ADGRV1: variants seen among roughly 807,000 people sequenced by gnomAD.
ADGRV1 encodes the protein adhesion G protein-coupled receptor V1.
Under a neutral mutation model 596.2 loss-of-function variants are expected in ADGRV1, and 359 were observed. That is an observed-to-expected ratio of 0.60 (90% confidence interval 0.55 to 0.66). The LOEUF (loss-of-function observed/expected upper bound fraction) is 0.66. Among genes scored for constraint, ADGRV1 ranks in the 30% least tolerant of loss-of-function variants. The probability of loss-of-function intolerance (pLI) is 0.00; values close to 1 mark genes in which losing one functional copy is unlikely to be tolerated. For missense variants in ADGRV1, 7,274 were observed against 7,575.6 expected, an observed-to-expected ratio of 0.96 and a Z score of 1.48; for synonymous variants, 2,681 against 2,679.2, an observed-to-expected ratio of 1.00 and a Z score of -0.02.
chr5:90,695,685 A>G (rs1308354396), intron 33 of ADGRV1, among the ~76,000 whole-genome samples: 1 of 151,820 alleles, frequency 6.6e-6, no homozygotes, highest in Non-Finnish European at 1.5e-5. Context: ...CGCTTTTTGA[A>G]ACACATAATA....
chr5:90,715,414 T>G (rs1307406254), intron 42 of ADGRV1, among the ~76,000 whole-genome samples: 4 of 152,206 alleles, frequency 2.6e-5, no homozygotes, highest in Non-Finnish European at 5.9e-5. Context: ...CTCTTGGGTG[T>G]TAAATTTGCA....
At chr5:90,629,105 T>TA in intron 8 of ADGRV1, 105 bp from the exon 9 acceptor site, 1 of 656,740 alleles carries the variant, frequency 1.5e-6, no homozygotes, top group Non-Finnish European at 2.3e-6. Flanking sequence ...TTTTTAGACA[T>TA]AAAATATTAA....
chr5:91,021,826 G>A (rs994313405), intron 85 of ADGRV1, among the ~76,000 whole-genome samples: 7 of 152,028 alleles, frequency 4.6e-5, no homozygotes, highest in African/African-American at 1.7e-4. Flanking sequence ...CTAGATAGGA[G>A]GTATCATAAT....
chr5:91,131,507 G>A (rs1794215615), intron 87 of ADGRV1, among the ~76,000 whole-genome samples: 1 of 150,842 alleles, frequency 6.6e-6, no homozygotes, highest in South Asian at 2.1e-4. Context: ...CTGGAGTACA[G>A]TGGCATGATC....
chr5:90,748,656 C>T (rs1754899839), intron 52 of ADGRV1, among the ~76,000 whole-genome samples: 1 of 152,114 alleles, frequency 6.6e-6, no homozygotes, highest in African/African-American at 2.4e-5. Flanking sequence ...TAGGTACTCA[C>T]TTGTTTCTTC....
chr5:90,813,743 C>G (rs1052052028), intron 74 of ADGRV1, among the ~76,000 whole-genome samples: 1 of 152,126 alleles, frequency 6.6e-6, no homozygotes, highest in African/African-American at 2.4e-5. Flanking sequence ...TTTTCCCTAC[C>G]TGACATTTTT....
intron 85 of ADGRV1, among the ~76,000 whole-genome samples, chr5:91,030,406 GT>G (rs1784371346): frequency 6.6e-6 from 1 of 151,982 alleles, no homozygotes. Flanking sequence ...AAATGGTACA[GT>G]TTTTTTAAGA....
At chr5:91,075,574 C>A (rs1342604469) in intron 86 of ADGRV1, among the ~76,000 whole-genome samples, 2 of 152,110 alleles carry the variant, frequency 1.3e-5, no homozygotes, top group African/African-American at 4.8e-5. Flanking sequence ...AGAAGCATTG[C>A]CCTATTGTTG....
intron 85 of ADGRV1, among the ~76,000 whole-genome samples, chr5:91,023,610 C>T (rs1040237667): frequency 1.3e-5 from 2 of 152,172 alleles, no homozygotes; most frequent in South Asian, 2.1e-4. Flanking sequence ...TACACCATAT[C>T]CCCATCCATG....
intron 85 of ADGRV1, among the ~76,000 whole-genome samples, chr5:91,047,472 G>A (rs537734621): frequency 6.6e-6 from 1 of 152,280 alleles, no homozygotes; most frequent in Admixed American, 6.5e-5. Flanking sequence ...AAGATAGGAA[G>A]CATCCAGCAT....
At chr5:91,045,243 G>A (rs1039022506) in intron 85 of ADGRV1, among the ~76,000 whole-genome samples, 4 of 151,994 alleles carry the variant, frequency 2.6e-5, no homozygotes, top group Non-Finnish European at 4.4e-5. Flanking sequence ...CAAAAAAGAA[G>A]ACTACGGACC....
intron 42 of ADGRV1, among the ~76,000 whole-genome samples, chr5:90,714,437 T>G (rs1749806725): frequency 6.6e-6 from 1 of 151,938 alleles, no homozygotes; most frequent in South Asian, 2.1e-4. Flanking sequence ...TATCTTTTAT[T>G]ATAATGTCTC....
At chr5:90,655,153 C>T (rs965830588) in intron 20 of ADGRV1, 9 of 152,174 alleles carry the variant, frequency 5.9e-5, no homozygotes, top group East Asian at 1.9e-4. Context: ...TGATCAGCCC[C>T]CAGACCAAGA....
rs116136846 is a variant in ADGRV1 at position 90,573,153 on chromosome 5, T to C, written c.22+14236T>C. ...TCCCTTCAGCACTGGGATGTAGCTT[T>C]TCCTAAGAAAGGAAGTATGGTATTG... is the stretch of plus-strand genomic sequence containing the variant. On this transcript the variant is annotated intron_variant, in intron 1 of 89. Transcript: ENST00000405460. Among the ~76,000 whole-genome samples, 1,426 of 152,314 alleles carry C rather than the reference T, an allele frequency of 9.4e-3. 14 individuals carry two copies. Among genetic ancestry groups the C allele is most frequent in the African/African-American group, 0.033 (1,359 of 41,576 alleles).
chr5:90,900,437 A>G (rs932056969), intron 83 of ADGRV1, among the ~76,000 whole-genome samples: 32 of 151,960 alleles, frequency 2.1e-4, no homozygotes, highest in African/African-American at 6.0e-4. Context: ...TATGAGCAAA[A>G]TCACCCTTGA....
At chr5:90,646,924 C>A (rs1389158547) in intron 16 of ADGRV1, among the ~76,000 whole-genome samples, 1 of 152,012 alleles carries the variant, frequency 6.6e-6, no homozygotes, top group Non-Finnish European at 1.5e-5. Context: ...CAGGCACACA[C>A]CACCACGCCC....
At chr5:91,004,004 A>G (rs1223699713) in intron 85 of ADGRV1, among the ~76,000 whole-genome samples, 1 of 152,188 alleles carries the variant, frequency 6.6e-6, no homozygotes, top group Non-Finnish European at 1.5e-5. Flanking sequence ...TTTAAAGTAT[A>G]CATTCAGATT....
At chr5:91,053,825 C>G (rs1338619445) in intron 85 of ADGRV1, among the ~76,000 whole-genome samples, 1 of 152,208 alleles carries the variant, frequency 6.6e-6, no homozygotes, top group African/African-American at 2.4e-5. Context: ...ATACCAAACT[C>G]TGATCTCCAG....
At chr5:90,871,407 T>C (rs114120201) in intron 83 of ADGRV1, among the ~76,000 whole-genome samples, 2,867 of 152,310 alleles carry the variant, frequency 0.019, 44 homozygotes, top group Non-Finnish European at 0.028. Flanking sequence ...TCAGCTCAAA[T>C]AGACTGTTCT....
Sources: allele counts gnomAD v4.1 joint callset (sites outside exome capture counted in the v4.1 genomes callset), GRCh38; gene constraint gnomAD v4.1.1; transcripts MANE v1.5; gene names NCBI Gene and HGNC (gene_info 2026-07-23, HGNC 2026-07-21).